Variants in DNAH5 observed in about 807,000 individuals in gnomAD.
DNAH5 encodes the protein dynein axonemal heavy chain 5, also known as axonemal beta dynein heavy chain 5.
A neutral mutation model predicts 518.2 loss-of-function variants in DNAH5; 372 were observed. That is an observed-to-expected ratio of 0.72 (90% CI 0.66 to 0.78). The LOEUF is 0.78. Ranked by LOEUF, DNAH5 falls within the 30% of genes least tolerant of loss-of-function variation. The pLI, the probability that DNAH5 is intolerant of heterozygous loss-of-function variation, is 0.00. For missense variants in DNAH5, 5,523 were observed against 5,687.0 expected (o/e 0.97, Z 0.93); for synonymous variants, 2,039 against 2,025.9 (o/e 1.01, Z -0.17).
intron 1 of DNAH5, among the ~76,000 whole-genome samples, chr5:13,959,408 G>C (rs746502867): frequency 3.4e-4 from 52 of 152,244 alleles, no homozygotes; most frequent in Non-Finnish European, 7.2e-4. Flanking sequence ...GAGAATGCCA[G>C]GTGGTGAAGG....
intron 1 of DNAH5, among the ~76,000 whole-genome samples, chr5:13,973,648 T>C (rs1782025911): frequency 6.6e-6 from 1 of 151,418 alleles, no homozygotes; most frequent in Non-Finnish European, 1.5e-5. Flanking sequence ...AGCAGTGAGA[T>C]GTGGATATAT....
Position 13,701,442 on chromosome 5 carries a change from A to G in DNAH5, c.13339-6T>C. ...GTACTAGAAATCCAAGAAGCCTGCA[A>G]TGAAGACATTAAAACAATTAATTGA... is the stretch of plus-strand genomic sequence containing the variant. On this transcript the variant is annotated splice_region_variant and splice_polypyrimidine_tract_variant and intron_variant, in intron 76 of 78. Transcript: ENST00000265104. 1 of 1,607,322 alleles carries G rather than the reference A, an allele frequency of 6.2e-7. No homozygotes were observed. Among genetic ancestry groups the G allele is most frequent in the Non-Finnish European group, 8.5e-7 (1 of 1,173,608 alleles).
intron 32 of DNAH5, 76 bp downstream of exon 32, chr5:13,844,761 T>A: frequency 1.9e-6 from 3 of 1,593,942 alleles, no homozygotes; most frequent in Non-Finnish European, 2.6e-6. Flanking sequence ...ATAAACCCGT[T>A]TTCGAAGAGC....
intron 68 of DNAH5, among the ~76,000 whole-genome samples, chr5:13,732,391 G>T (rs577187655): frequency 6.6e-6 from 1 of 152,080 alleles, no homozygotes; most frequent in South Asian, 2.1e-4. Flanking sequence ...TTGTGAGAGG[G>T]AGTCTTGCTC....
Position 13,841,819 on chromosome 5 carries a change from T to G in DNAH5, c.5357A>C (p.Glu1786Ala), listed in dbSNP as rs1361815248. Residue 1786 changes from glutamate to alanine, a missense_variant, in exon 33 of 79, where the codon GAA (glutamate) becomes GCA (alanine). Glu to Ala is a moderately radical substitution (Grantham distance 107). Coordinates refer to ENST00000265104, the MANE Select transcript of DNAH5 (RefSeq NM_001369.3). ...DKPVMAEGNVEVWLNSLLEES... is the reference protein window; with the variant it reads ...DKPVMAEGNVAVWLNSLLEES... ...TTCCAAAAGAGAATTAAGCCAAACT[T>G]CCACATTGCCCTCTGCCATGACAGG... 6.2e-7 allele frequency: 1 copy of G among 1,609,972 alleles called. No homozygotes were observed. Among genetic ancestry groups the G allele is most frequent in the Non-Finnish European group, 8.5e-7 (1 of 1,179,104 alleles).
At chr5:13,695,344 C>T (rs1381503254) in intron 78 of DNAH5, among the ~76,000 whole-genome samples, 1 of 152,136 alleles carries the variant, frequency 6.6e-6, no homozygotes, top group East Asian at 1.9e-4. Context: ...GAGCACCATC[C>T]GCAGAGGGCT....
chr5:13,737,574 G>T, intron 65 of DNAH5, 79 bp from the exon 66 acceptor site: 1 of 1,476,600 alleles, frequency 6.8e-7, no homozygotes, highest in Non-Finnish European at 9.3e-7. Context: ...AACCTACATG[G>T]CTGCTTTGAA....
chr5:13,827,555 A>G (rs1763051111), intron 38 of DNAH5, among the ~76,000 whole-genome samples: 1 of 90,850 alleles, frequency 1.1e-5, no homozygotes, highest in South Asian at 3.2e-4. Context: ...TCATAGGTAG[A>G]GGGGACTTGC....
Position 13,928,130 on chromosome 5 carries a change from T to C in DNAH5, c.241A>G (p.Met81Val), listed in dbSNP as rs1159384259. Residue 81 changes from methionine to valine, a missense_variant, in exon 3 of 79, where the codon ATG (methionine) becomes GTG (valine). Coordinates refer to ENST00000265104, the MANE Select transcript of DNAH5 (RefSeq NM_001369.3). ...LFAVGGLRHL[M>V]FYYQDVEEAE... ...TCCTCCACATCTTGATAGTAAAACA[T>C]GAGGTGTCGGAGACCTCCAACAGCA... 1.2e-6 allele frequency: 2 copies of C among 1,614,042 alleles called. No individual in the cohort carries two copies. Among genetic ancestry groups the C allele is most frequent in the Middle Eastern group, 1.7e-4 (1 of 6,060 alleles).
intron 1 of DNAH5, among the ~76,000 whole-genome samples, chr5:13,972,063 CT>C (rs1418089461): frequency 6.6e-6 from 1 of 152,092 alleles, no homozygotes; most frequent in Non-Finnish European, 1.5e-5. Flanking sequence ...AGGATTATGG[CT>C]GCTTCTCCTG....
chr5:13,713,242 A>G (rs577871808), intron 75 of DNAH5, among the ~76,000 whole-genome samples: 60 of 146,640 alleles, frequency 4.1e-4, no homozygotes, highest in African/African-American at 1.0e-3. Flanking sequence ...TGTATATACC[A>G]ACATATATAT....
chr5:13,726,260 C>T (rs1343048314), intron 70 of DNAH5, among the ~76,000 whole-genome samples: 1 of 152,138 alleles, frequency 6.6e-6, no homozygotes, highest in Non-Finnish European at 1.5e-5. Context: ...GACCTGGGCA[C>T]TATAAGGGCC....
intron 25 of DNAH5, 98 bp downstream of exon 25, chr5:13,867,676 G>T: frequency 1.0e-6 from 1 of 989,794 alleles, no homozygotes; most frequent in Non-Finnish European, 1.6e-6. Flanking sequence ...TTCCTAGGAA[G>T]TTTCACAGAA....
chr5:13,902,386 T>C (rs2151964484), intron 12 of DNAH5, among the ~76,000 whole-genome samples: 1 of 152,132 alleles, frequency 6.6e-6, no homozygotes, highest in East Asian at 1.9e-4. Flanking sequence ...ACACAGAGCC[T>C]GGGGGGTGGC....
chr5:13,907,236 G>C (rs1442994171), intron 12 of DNAH5, among the ~76,000 whole-genome samples: 2 of 152,162 alleles, frequency 1.3e-5, no homozygotes, highest in Admixed American at 1.3e-4. Flanking sequence ...TTCGAGACCA[G>C]TCTGGCCAAC....
chr5:13,902,835 A>G (rs1774824288), intron 12 of DNAH5, among the ~76,000 whole-genome samples: 1 of 152,210 alleles, frequency 6.6e-6, no homozygotes, highest in Non-Finnish European at 1.5e-5. Context: ...AGTCTGGGAA[A>G]GTAAAACCAC....
chr5:13,745,628 C>A (rs1471302464), intron 65 of DNAH5, among the ~76,000 whole-genome samples: 1 of 152,054 alleles, frequency 6.6e-6, no homozygotes, highest in African/African-American at 2.4e-5. Flanking sequence ...CTTTCCCTTG[C>A]ATGATCAATT....
At chr5:13,829,762 T>C in intron 37 of DNAH5, 58 bp from the exon 38 acceptor site, 1 of 1,504,516 alleles carries the variant, frequency 6.6e-7, no homozygotes, top group Non-Finnish European at 9.2e-7. Flanking sequence ...ATCAGCATCA[T>C]ATTAAAAGAT....
At chr5:13,845,832 CT>C (rs557275110) in intron 31 of DNAH5, among the ~76,000 whole-genome samples, 204 of 110,632 alleles carry the variant, frequency 1.8e-3, no homozygotes, top group Non-Finnish European at 1.6e-3. Flanking sequence ...CTTTTTTGAC[CT>C]TTTTTTTTTT....
Sources: gnomAD v4.1 joint callset for allele counts (sites outside exome capture counted in the v4.1 genomes callset) on GRCh38, gnomAD v4.1.1 for gene constraint, MANE v1.5 for transcripts, NCBI Gene and HGNC (gene_info 2026-07-23, HGNC 2026-07-21) for gene names.